The following MYOF variants were observed in gnomAD, a reference collection of about 807,000 sequenced individuals.
The protein encoded by MYOF is fer-1-like 3, myoferlin.
A neutral mutation model predicts 284.2 loss-of-function variants in MYOF; 244 were observed. That is an observed-to-expected ratio of 0.86 (90% CI 0.77 to 0.95). MYOF has a LOEUF of 0.95. Ranked by LOEUF, MYOF falls within the 40% of genes least tolerant of loss-of-function variation. The pLI is 0.00. For missense variants in MYOF, 2,496 were observed against 2,560.6 expected (o/e 0.97, Z 0.54); for synonymous variants, 904 against 919.7 (o/e 0.98, Z 0.31).
At chr10:93,431,376 C>T (rs931937825) in intron 4 of MYOF, 32 bp downstream of exon 4, 22 of 1,591,476 alleles carry the variant, frequency 1.4e-5, no homozygotes, top group Non-Finnish European at 1.8e-5. Flanking sequence ...CATCTCACTT[C>T]AAAGCCATTC....
chr10:93,326,661 G>A (rs1445895567), intron 45 of MYOF, among the ~76,000 whole-genome samples: 1 of 152,228 alleles, frequency 6.6e-6, no homozygotes, highest in Non-Finnish European at 1.5e-5. Context: ...GTCTCGCTCT[G>A]TCATCCAGGC....
chr10:93,406,318 T>A (rs1450527264), intron 7 of MYOF, among the ~76,000 whole-genome samples: 266 of 38,326 alleles, frequency 6.9e-3, no homozygotes, highest in East Asian at 0.028. Flanking sequence ...ATATATATAT[T>A]TGTTTTTATC....
At chr10:93,332,628 A>G (rs1257054810) in intron 43 of MYOF, among the ~76,000 whole-genome samples, 16 of 151,536 alleles carry the variant, frequency 1.1e-4, no homozygotes, top group East Asian at 8.0e-4. Flanking sequence ...GGCAGATCAC[A>G]AGGTCAGGAG....
At chr10:93,429,939 A>ATTTT (rs373810655) in intron 4 of MYOF, among the ~76,000 whole-genome samples, 37 of 145,658 alleles carry the variant, frequency 2.5e-4, no homozygotes, top group Middle Eastern at 3.6e-3. Context: ...TATTTTTTTA[A>ATTTT]TTTTTTTTTT....
At chr10:93,381,506 T>G in intron 19 of MYOF, 110 bp from the exon 20 acceptor site, 1 of 1,130,412 alleles carries the variant, frequency 8.8e-7, no homozygotes, top group Non-Finnish European at 1.3e-6. Context: ...CTGAATTAAA[T>G]GACAGGGGAG....
At chr10:93,361,381 A>G in intron 28 of MYOF, 71 bp downstream of exon 28, 1 of 1,372,288 alleles carries the variant, frequency 7.3e-7, no homozygotes, top group South Asian at 1.2e-5. Flanking sequence ...CTCCCTCCCA[A>G]GGAAACTTTA....
At chr10:93,378,002 G>C (rs1845917706) in intron 21 of MYOF, among the ~76,000 whole-genome samples, 1 of 152,218 alleles carries the variant, frequency 6.6e-6, no homozygotes, top group Admixed American at 6.5e-5. Flanking sequence ...CGTTTGCTGA[G>C]AAGGCCTAGA....
intron 5 of MYOF, among the ~76,000 whole-genome samples, chr10:93,424,361 G>A (rs1362681996): frequency 5.9e-5 from 9 of 152,184 alleles, no homozygotes; most frequent in Non-Finnish European, 1.0e-4. Context: ...CATCGGCAGC[G>A]GAGGTCTGAG....
intron 53 of MYOF, 83 bp downstream of exon 53, chr10:93,309,937 A>C: frequency 6.5e-7 from 1 of 1,543,946 alleles, no homozygotes; most frequent in Non-Finnish European, 8.9e-7. Flanking sequence ...TCTTCTGCAC[A>C]GTGGTCAGGG....
At chr10:93,417,288 G>A (rs566585976) in intron 5 of MYOF, among the ~76,000 whole-genome samples, 5 of 151,964 alleles carry the variant, frequency 3.3e-5, no homozygotes, top group South Asian at 2.1e-4. Flanking sequence ...TGATGTTTCC[G>A]CTAACATTTG....
At position 93,321,701 on chromosome 10, in the gene MYOF, T is replaced by C. The variant is rs186997639; in HGVS notation, c.5456+1377A>G. Among the ~76,000 whole-genome samples the C allele has an allele frequency of 2.6e-5, 4 of 152,156 alleles. No homozygotes were observed. The East Asian group carries it at 7.7e-4, about 29-fold the overall frequency. ...TCACCCTTACAGCTCTTCCTCTCTT[T>C]TTTTGGTGAATTTTCACATTTAATT... On this transcript the variant is annotated intron_variant, in intron 48 of 53. Coordinates refer to ENST00000359263, the MANE Select transcript of MYOF (RefSeq NM_013451.4).
At chr10:93,343,184 G>A (rs1844008448) in intron 38 of MYOF, among the ~76,000 whole-genome samples, 1 of 152,110 alleles carries the variant, frequency 6.6e-6, no homozygotes, top group Admixed American at 6.5e-5. Context: ...GGAGATATTT[G>A]GTGTTTCCTT....
At chr10:93,316,639 G>T in intron 50 of MYOF, 75 bp downstream of exon 50, 1 of 1,315,246 alleles carries the variant, frequency 7.6e-7, no homozygotes, top group Non-Finnish European at 1.1e-6. Flanking sequence ...TTAAAGAATT[G>T]CTTCCAAGTT....
chr10:93,476,245 CTTTTTTTTTT>C (rs67108011), intron 1 of MYOF, among the ~76,000 whole-genome samples: 3 of 65,020 alleles, frequency 4.6e-5, no homozygotes, highest in African/African-American at 2.0e-4. Context: ...CTTCCCCATT[CTTTTTTTTTT>C]TTTTTTTTTT....
At chr10:93,433,941 G>A (rs1217378117) in intron 3 of MYOF, among the ~76,000 whole-genome samples, 1 of 152,118 alleles carries the variant, frequency 6.6e-6, no homozygotes, top group Non-Finnish European at 1.5e-5. Context: ...ATATTAATAA[G>A]TGCCTTCACT....
chr10:93,401,637 C>T (rs966977930), intron 11 of MYOF, 93 bp from the exon 12 acceptor site: 35 of 1,491,172 alleles, frequency 2.3e-5, no homozygotes, highest in Middle Eastern at 1.8e-4. Flanking sequence ...CATTCAGAAT[C>T]GTTTCCATTA....
At chr10:93,393,263 C>T (rs767473048) in intron 16 of MYOF, among the ~76,000 whole-genome samples, 7 of 152,186 alleles carry the variant, frequency 4.6e-5, no homozygotes, top group African/African-American at 9.7e-5. Flanking sequence ...CAGCATTTCA[C>T]GTTTTTAATA....
At chr10:93,479,673 TTGGAGACCCAGG>T (rs1385005479) in intron 1 of MYOF, among the ~76,000 whole-genome samples, 3 of 152,120 alleles carry the variant, frequency 2.0e-5, no homozygotes, top group Middle Eastern at 3.2e-3. Flanking sequence ...AGCTGAGAAA[TTGGAGACCCAGG>T]TGGTTAAATC....
intron 7 of MYOF, 150 bp from the exon 8 acceptor site, chr10:93,404,369 G>T: frequency 1.4e-6 from 1 of 736,944 alleles, no homozygotes; most frequent in Non-Finnish European, 2.2e-6. Flanking sequence ...AAGGCCTGGA[G>T]TTTAAGCCCT....
Sources: gnomAD v4.1 joint callset for allele counts (sites outside exome capture counted in the v4.1 genomes callset) on GRCh38, gnomAD v4.1.1 for gene constraint, MANE v1.5 for transcripts, NCBI Gene and HGNC (gene_info 2026-07-23, HGNC 2026-07-21) for gene names.